The following CADM2 variants were observed in gnomAD, a reference collection of about 807,000 sequenced individuals.
The protein encoded by CADM2 is immunoglobulin superfamily member 4D.
In CADM2, 12 loss-of-function variants were observed where a neutral mutation model predicts 49.8. The observed-to-expected ratio is 0.24, with a 90% CI of 0.15 to 0.39. The LOEUF (loss-of-function observed/expected upper bound fraction) is 0.39, where lower values mean the gene tolerates loss of function less well. Among genes scored for constraint, CADM2 ranks in the 10% least tolerant of loss-of-function variants. CADM2 has a pLI of 1.00. For synonymous variants in CADM2, 214 were observed against 175.4 expected, an observed-to-expected ratio of 1.22 and a Z score of -1.74; for missense variants, 378 against 492.3, an observed-to-expected ratio of 0.77 and a Z score of 2.20.
chr3:85,698,442 A>G (rs2066640019), intron 1 of CADM2, among the ~76,000 whole-genome samples: 3 of 152,162 alleles, frequency 2.0e-5, no homozygotes, highest in Admixed American at 2.0e-4. Flanking sequence ...GGTAATTTAT[A>G]AAGAAAAGAG....
At chr3:85,928,742 A>G (rs566069325) in intron 6 of CADM2, among the ~76,000 whole-genome samples, 2 of 152,282 alleles carry the variant, frequency 1.3e-5, no homozygotes, top group South Asian at 2.1e-4. Context: ...GCCTATCTTT[A>G]CACACTTGTA....
At chr3:85,229,114 T>C (rs2042226455) in intron 1 of CADM2, among the ~76,000 whole-genome samples, 1 of 152,158 alleles carries the variant, frequency 6.6e-6, no homozygotes, top group South Asian at 2.1e-4. Flanking sequence ...ACTGTGAGCA[T>C]AAAACTGCCT....
chr3:85,540,971 C>T (rs1309675121), intron 1 of CADM2, among the ~76,000 whole-genome samples: 1 of 151,952 alleles, frequency 6.6e-6, no homozygotes, highest in Non-Finnish European at 1.5e-5. Context: ...TCCCACCTTT[C>T]TTTTTTTACT....
In CADM2 at chr3:85,993,835, G is replaced by A. The variant is rs190828842; in HGVS notation, c.970+32188G>A. 132 of 151,740 alleles carry A rather than the reference G, an allele frequency of 8.7e-4. 1 individual carries two copies. The highest frequency in any genetic ancestry group is 3.0e-3 in the African/African-American group (126 of 41,360). The allele number at this position is 151,740 out of a possible 1,614,324, so 9.4% of individuals were successfully genotyped here. A position where few individuals can be genotyped will look rare whatever the true frequency, so the allele number is the denominator to read the frequency against. On this transcript the variant is annotated intron_variant, in intron 8 of 9. Transcript: ENST00000383699. ...CAGTAGGTCTCAGTCTCAACATTGA[G>A]CTTAAAATATTCAATAAAACATGCT...
intron 1 of CADM2, among the ~76,000 whole-genome samples, chr3:85,589,012 G>A (rs145999930): frequency 8.3e-4 from 126 of 152,102 alleles, no homozygotes; most frequent in African/African-American, 3.0e-3. Flanking sequence ...AAGCACCACA[G>A]GGAAGGTCAA....
intron 2 of CADM2, among the ~76,000 whole-genome samples, chr3:85,777,680 G>C (rs536180660): frequency 2.0e-5 from 3 of 151,958 alleles, no homozygotes; most frequent in African/African-American, 4.8e-5. Flanking sequence ...AGTAAAATTC[G>C]GTTTATGAAG....
chr3:85,619,625 A>G (rs1463576456), intron 1 of CADM2, among the ~76,000 whole-genome samples: 1 of 152,150 alleles, frequency 6.6e-6, no homozygotes, highest in Non-Finnish European at 1.5e-5. Flanking sequence ...GTGTTATTTT[A>G]ATAGTTAGTA....
intron 1 of CADM2, among the ~76,000 whole-genome samples, chr3:85,712,332 G>C (rs911226963): frequency 6.6e-6 from 1 of 152,106 alleles, no homozygotes; most frequent in African/African-American, 2.4e-5. Flanking sequence ...ATACAGAGTG[G>C]TTTGTTTAGT....
At chr3:85,679,438 A>G (rs2065977180) in intron 1 of CADM2, among the ~76,000 whole-genome samples, 1 of 152,136 alleles carries the variant, frequency 6.6e-6, no homozygotes, top group African/African-American at 2.4e-5. Flanking sequence ...TTTCTCTATA[A>G]TAATGTTGTA....
chr3:85,494,426 T>C (rs995984404), intron 1 of CADM2, among the ~76,000 whole-genome samples: 5 of 152,284 alleles, frequency 3.3e-5, no homozygotes, highest in South Asian at 2.1e-4. Flanking sequence ...ACCCAAAACA[T>C]GATGCAAGCT....
intron 3 of CADM2, among the ~76,000 whole-genome samples, chr3:85,875,346 TAATAAG>T (rs1266696350): frequency 1.3e-5 from 2 of 152,178 alleles, no homozygotes; most frequent in African/African-American, 4.8e-5. Context: ...AACATTTTGA[TAATAAG>T]AATAAGAGTC....
intron 2 of CADM2, among the ~76,000 whole-genome samples, chr3:85,795,730 C>T (rs931376696): frequency 3.9e-5 from 6 of 152,212 alleles, no homozygotes; most frequent in East Asian, 3.9e-4. Flanking sequence ...ATCAAAAATA[C>T]GTTATCAAGA....
chr3:85,183,569 A>C (rs1206904032), intron 1 of CADM2, among the ~76,000 whole-genome samples: 1 of 152,138 alleles, frequency 6.6e-6, no homozygotes, highest in Non-Finnish European at 1.5e-5. Flanking sequence ...CAGTGCCTTC[A>C]GAACGCTCTT....
intron 1 of CADM2, among the ~76,000 whole-genome samples, chr3:85,634,140 G>A (rs986583306): frequency 4.6e-5 from 7 of 151,988 alleles, no homozygotes; most frequent in Non-Finnish European, 8.8e-5. Context: ...ATGTCAGAAA[G>A]GTAGTAGAGA....
chr3:85,779,099 G>A (rs1234038756), intron 2 of CADM2, among the ~76,000 whole-genome samples: 1 of 152,070 alleles, frequency 6.6e-6, no homozygotes, highest in South Asian at 2.1e-4. Flanking sequence ...GTACTTTACA[G>A]TATAATACTT....
intron 8 of CADM2, chr3:86,012,655 G>A: frequency 2.1e-6 from 3 of 1,451,614 alleles, no homozygotes; most frequent in East Asian, 2.3e-5. Context: ...CCAGATGCCA[G>A]GAGTGGGTGG....
Position 85,647,022 on chromosome 3 carries a change from A to G in CADM2, c.62-79500A>G, listed in dbSNP as rs1231697278. On this transcript the variant is annotated intron_variant, in intron 1 of 9. Coordinates refer to ENST00000383699, the MANE Select transcript of CADM2 (RefSeq NM_001167675.2). The stretch of plus-strand genomic sequence containing the variant: ...ACTCTCTATTCAAGCAATTTTTTGA[A>G]CGTAACTTGGATTTGTAATCTTAGG... Among the ~76,000 whole-genome samples, 6 of 151,776 alleles carry G rather than the reference A, an allele frequency of 4.0e-5. No homozygotes were observed. In the East Asian group the frequency reaches 1.2e-3, roughly 29 times the overall value.
intron 1 of CADM2, among the ~76,000 whole-genome samples, chr3:85,549,802 T>G (rs2107106638): frequency 6.6e-6 from 1 of 151,166 alleles, no homozygotes; most frequent in South Asian, 2.1e-4. Flanking sequence ...TTTTTTTTTT[T>G]TGTATTTTTA....
At chr3:85,585,834 A>C (rs2075916777) in intron 1 of CADM2, among the ~76,000 whole-genome samples, 1 of 152,056 alleles carries the variant, frequency 6.6e-6, no homozygotes, top group African/African-American at 2.4e-5. Flanking sequence ...CTATGATCTT[A>C]TAATACAGGG....
Sources: allele counts gnomAD v4.1 joint callset (sites outside exome capture counted in the v4.1 genomes callset), GRCh38; gene constraint gnomAD v4.1.1; transcripts MANE v1.5; gene names NCBI Gene and HGNC (gene_info 2026-07-23, HGNC 2026-07-21).